The following JPH1 variants were observed in gnomAD, a reference collection of about 807,000 sequenced individuals.
JPH1 encodes the protein junctophilin 1.
A neutral mutation model predicts 53.6 loss-of-function variants in JPH1; 12 were observed. That is an observed-to-expected ratio of 0.22 (90% CI 0.14 to 0.36). The LOEUF is 0.36. Among genes scored for constraint, JPH1 ranks in the 10% least tolerant of loss-of-function variants. JPH1 has a pLI of 1.00. For missense variants in JPH1, 808 were observed against 905.5 expected (o/e 0.89, Z 1.38); for synonymous variants, 375 against 363.8 (o/e 1.03, Z -0.35).
chr8:74,302,345 C>T (rs1176795931), intron 2 of JPH1, among the ~76,000 whole-genome samples: 1 of 152,158 alleles, frequency 6.6e-6, no homozygotes, highest in African/African-American at 2.4e-5. Flanking sequence ...TTTCTGTACA[C>T]AAATACTGCT....
At chr8:74,256,226 G>A (rs943816379) in intron 3 of JPH1, among the ~76,000 whole-genome samples, 1 of 152,082 alleles carries the variant, frequency 6.6e-6, no homozygotes, top group African/African-American at 2.4e-5. Context: ...AAAATGATGA[G>A]TTCATGTCCT....
chr8:74,281,756 T>C (rs1807022826), intron 2 of JPH1, among the ~76,000 whole-genome samples: 1 of 152,182 alleles, frequency 6.6e-6, no homozygotes, highest in African/African-American at 2.4e-5. Context: ...TTCATACTTC[T>C]GTGATCTTAG....
chr8:74,242,046 G>T (rs1805712074), intron 4 of JPH1, among the ~76,000 whole-genome samples: 1 of 152,112 alleles, frequency 6.6e-6, no homozygotes, highest in East Asian at 1.9e-4. Flanking sequence ...GCCCACAGGG[G>T]TCACAAAAGT....
rs1563392681 is a variant in JPH1 at position 74,244,740 on chromosome 8, ACTGGAGGGTGCTGGGGGGCGTTCAG to A, written c.1669_1693del (p.Leu557Ter). 1 of 1,614,140 alleles carries A rather than the reference ACTGGAGGGTGCTGGGGGGCGTTCAG, an allele frequency of 6.2e-7. No homozygotes were observed. On this transcript the variant is annotated frameshift_variant, in exon 4 of 6. Transcript: ENST00000342232. LOFTEE classifies it high-confidence loss of function. Reference sequence around the variant, plus strand: ...GGATCCATCGCCGTCCTCCACGTCTACTGGAGGGTGCTGGGGGGCGTTCAGCTTCACGTAGTAGCCGTGATACTGA... The same window carrying A: ...GGATCCATCGCCGTCCTCCACGTCTACTTCACGTAGTAGCCGTGATACTGA...
In JPH1 at chr8:74,237,229, T is replaced by C; in HGVS notation, c.1980A>G (p.Leu660=). ...TTACCTTTCCTAATTCCAATCAAGTTAGAAAGTGAACAAAAAGAATGGCCA... is the reference window on the plus strand; with the variant it reads ...TTACCTTTCCTAATTCCAATCAAGTCAGAAAGTGAACAAAAAGAATGGCCA... ...IGLAILFVHF[L]T is the part of the protein sequence containing the mutation. The change falls in exon 5 of 6, where the codon CTA becomes CTG. Residue 660 remains leucine, a synonymous_variant. Transcript: ENST00000342232. 3.7e-6 allele frequency: 6 copies of C among 1,609,352 alleles called. No homozygotes were observed. Among genetic ancestry groups the C allele is most frequent in the Non-Finnish European group, 5.1e-6 (6 of 1,176,110 alleles).
At chr8:74,276,828 T>C (rs1806862562) in intron 2 of JPH1, among the ~76,000 whole-genome samples, 1 of 152,332 alleles carries the variant, frequency 6.6e-6, no homozygotes, top group Admixed American at 6.5e-5. Context: ...AGATGAACAT[T>C]TTCTTCCAAA....
chr8:74,249,115 C>T (rs572973292), intron 3 of JPH1, among the ~76,000 whole-genome samples: 3 of 152,254 alleles, frequency 2.0e-5, no homozygotes, highest in African/African-American at 4.8e-5. Flanking sequence ...ACAGTTGGCA[C>T]GAAGGCTCTG....
At chr8:74,303,046 T>C (rs1169090737) in intron 2 of JPH1, among the ~76,000 whole-genome samples, 1 of 151,810 alleles carries the variant, frequency 6.6e-6, no homozygotes, top group African/African-American at 2.4e-5. Flanking sequence ...ACTTCACAAA[T>C]TCAAGAATAG....
At chr8:74,305,961 T>C (rs1194995652) in intron 2 of JPH1, among the ~76,000 whole-genome samples, 1 of 152,192 alleles carries the variant, frequency 6.6e-6, no homozygotes, top group East Asian at 1.9e-4. Flanking sequence ...CCTCCGAGTG[T>C]CTGAATGGGC....
rs760683751 is a variant in JPH1, at chr8:74,244,677, G to A, written c.1757C>T (p.Ala586Val). The change falls in exon 4 of 6, where the codon GCT becomes GTT. Residue 586 changes from alanine to valine, a missense_variant. Transcript: ENST00000342232. ...AGATTTGGAGGGACTCCACTTGTTA[G>A]CGGATGGCTTGTGCACCAGTGCTGA... ...SSSALVHKPS[A>V]NKWSPSKSVT... is the part of the protein sequence containing the mutation. 2.5e-6 allele frequency: 4 copies of A among 1,614,182 alleles called. No individual in the cohort carries two copies. The highest frequency in any genetic ancestry group is 3.4e-6 in the Non-Finnish European group (4 of 1,180,038).
intron 2 of JPH1, among the ~76,000 whole-genome samples, chr8:74,297,976 T>G (rs1807569702): frequency 6.6e-6 from 1 of 152,248 alleles, no homozygotes; most frequent in Non-Finnish European, 1.5e-5. Flanking sequence ...AAAATAATTC[T>G]CTGCTTCTTT....
Position 74,248,488 on chromosome 8 carries a change from C to T in JPH1, c.1259-3313G>A, listed in dbSNP as rs181519049. ...TAACAAATGATCCGAGTGATTCTAA[C>T]GCACTGGGTTATAGGCATTTGACAC... On this transcript the variant is annotated intron_variant, in intron 3 of 5. Coordinates refer to ENST00000342232, the MANE Select transcript of JPH1 (RefSeq NM_020647.4). Among the ~76,000 whole-genome samples the T allele has an allele frequency of 6.9e-3, 1,045 of 152,282 alleles. 6 individuals carry two copies. Among genetic ancestry groups the T allele is most frequent in the Non-Finnish European group, 0.012 (785 of 68,014 alleles).
intron 2 of JPH1, among the ~76,000 whole-genome samples, chr8:74,293,613 C>A (rs1807405335): frequency 6.6e-6 from 1 of 152,154 alleles, no homozygotes; most frequent in South Asian, 2.1e-4. Context: ...GAGTAAAAAC[C>A]AGGCTGTCAT....
At chr8:74,246,711 T>C (rs545564390) in intron 3 of JPH1, among the ~76,000 whole-genome samples, 12 of 152,324 alleles carry the variant, frequency 7.9e-5, no homozygotes, top group Admixed American at 7.8e-4. Context: ...TCGCAAGTTA[T>C]ACTCAGGGCA....
chr8:74,275,094 GC>G (rs779971035), intron 2 of JPH1, among the ~76,000 whole-genome samples: 1 of 152,030 alleles, frequency 6.6e-6, no homozygotes, highest in Non-Finnish European at 1.5e-5. Flanking sequence ...AACAGACTGG[GC>G]TTTTGTTTTC....
chr8:74,241,273 G>A (rs1805684427), intron 4 of JPH1, among the ~76,000 whole-genome samples: 1 of 152,182 alleles, frequency 6.6e-6, no homozygotes, highest in Admixed American at 6.5e-5. Flanking sequence ...CAGATACCAA[G>A]CCCTGGCCTC....
At chr8:74,274,104 A>T (rs1351552018) in intron 2 of JPH1, among the ~76,000 whole-genome samples, 1 of 152,110 alleles carries the variant, frequency 6.6e-6, no homozygotes, top group Non-Finnish European at 1.5e-5. Flanking sequence ...TCCCTTTTTG[A>T]CATAATCCAA....
intron 2 of JPH1, among the ~76,000 whole-genome samples, chr8:74,261,433 G>C (rs1806393333): frequency 6.6e-6 from 1 of 152,128 alleles, no homozygotes; most frequent in Admixed American, 6.5e-5. Flanking sequence ...AAAAATGAGT[G>C]GATCAACTTC....
intron 4 of JPH1, among the ~76,000 whole-genome samples, chr8:74,243,831 TAATA>T (rs1283200808): frequency 6.6e-6 from 1 of 152,236 alleles, no homozygotes; most frequent in Non-Finnish European, 1.5e-5. Flanking sequence ...TCTGGCTGAA[TAATA>T]AATAAATATC....
Sources: allele counts gnomAD v4.1 joint callset (sites outside exome capture counted in the v4.1 genomes callset), GRCh38; gene constraint gnomAD v4.1.1; transcripts MANE v1.5; gene names NCBI Gene and HGNC (gene_info 2026-07-23, HGNC 2026-07-21).